Variants in SMIM10L3 observed in about 807,000 individuals in gnomAD.
The protein encoded by SMIM10L3 is small integral membrane protein 10 like 3, also known as salivary gland specific protein SAGSIN1.
the SMIM10L3 span, among the ~76,000 whole-genome samples, chr7:6,335,193 G>C: frequency 5.3e-4 from 81 of 151,670 alleles, no homozygotes; most frequent in East Asian, 0.014. Context: ...CTCCCAAGTT[G>C]CTGGGATTAC....
the SMIM10L3 span, among the ~76,000 whole-genome samples, chr7:6,333,160 A>T: frequency 9.0e-6 from 1 of 110,524 alleles, no homozygotes; most frequent in Non-Finnish European, 1.7e-5. Flanking sequence ...CATCCCAAAT[A>T]AAAAAATCAA....
the SMIM10L3 span, chr7:6,331,360 A>C: frequency 3.2e-6 from 2 of 615,466 alleles, no homozygotes; most frequent in Admixed American, 6.2e-5. Flanking sequence ...ACAGGGTTTC[A>C]CCATATTGGT....
At chr7:6,348,605 C>T in the SMIM10L3 span, 2 of 464,506 alleles carry the variant, frequency 4.3e-6, no homozygotes, top group South Asian at 4.1e-5. Flanking sequence ...ATGGAAGCCA[C>T]GATGTAGAGG....
chr7:6,333,055 G>A, the SMIM10L3 span, among the ~76,000 whole-genome samples: 2 of 151,872 alleles, frequency 1.3e-5, no homozygotes, highest in South Asian at 4.1e-4. Context: ...TACCAGGGAG[G>A]CTGAAGCGAG....
chr7:6,343,492 T>C, the SMIM10L3 span, among the ~76,000 whole-genome samples: 1 of 145,938 alleles, frequency 6.9e-6, no homozygotes, highest in Non-Finnish European at 1.5e-5. Flanking sequence ...GCCATATAAC[T>C]GAAAAGTTGT....
chr7:6,347,092 C>T, the SMIM10L3 span, among the ~76,000 whole-genome samples: 1 of 152,102 alleles, frequency 6.6e-6, no homozygotes, highest in East Asian at 1.9e-4. Flanking sequence ...TTTGGGAGGG[C>T]AAGGCAGGAG....
chr7:6,340,167 G>A, the SMIM10L3 span, among the ~76,000 whole-genome samples: 46 of 152,268 alleles, frequency 3.0e-4, no homozygotes, highest in African/African-American at 1.1e-3. Context: ...TTACAGGCAT[G>A]AGCTACCGCG....
chr7:6,343,701 A>G, the SMIM10L3 span, among the ~76,000 whole-genome samples: 5 of 152,114 alleles, frequency 3.3e-5, no homozygotes, highest in Non-Finnish European at 7.4e-5. Flanking sequence ...CTCAGTATAC[A>G]ACTGTCTGCA....
At chr7:6,332,854 C>T in the SMIM10L3 span, among the ~76,000 whole-genome samples, 13 of 152,026 alleles carry the variant, frequency 8.6e-5, no homozygotes, top group South Asian at 2.1e-4. Flanking sequence ...GATGTATAAC[C>T]GCATTAAGAT....
At chr7:6,341,715 G>A in the SMIM10L3 span, among the ~76,000 whole-genome samples, 179 of 150,034 alleles carry the variant, frequency 1.2e-3, no homozygotes, top group Non-Finnish European at 1.2e-3. Flanking sequence ...TTATGAGTGC[G>A]CGCCAGGTGC....
the SMIM10L3 span, among the ~76,000 whole-genome samples, chr7:6,341,520 TA>T: frequency 2.7e-5 from 4 of 148,210 alleles, no homozygotes; most frequent in African/African-American, 2.5e-5. Flanking sequence ...CTGCCTCTAC[TA>T]AAAAAAAATT....
chr7:6,333,835 G>T, the SMIM10L3 span, among the ~76,000 whole-genome samples: 3 of 146,242 alleles, frequency 2.1e-5, no homozygotes, highest in African/African-American at 7.6e-5. Flanking sequence ...TCGAACTCCT[G>T]GCCTCTTTTT....
the SMIM10L3 span, among the ~76,000 whole-genome samples, chr7:6,345,552 G>A: frequency 6.6e-6 from 1 of 152,048 alleles, no homozygotes; most frequent in Non-Finnish European, 1.5e-5. Context: ...ATATGAAAAA[G>A]GTAACTGTTT....
the SMIM10L3 span, chr7:6,348,741 C>T: frequency 1.0e-4 from 42 of 410,766 alleles, no homozygotes; most frequent in Non-Finnish European, 1.7e-4. Flanking sequence ...CAGCCAGGCC[C>T]GACAGAGCCG....
At chr7:6,337,976 G>A in the SMIM10L3 span, among the ~76,000 whole-genome samples, 1 of 151,480 alleles carries the variant, frequency 6.6e-6, no homozygotes, top group African/African-American at 2.4e-5. Context: ...GCTAATTTTT[G>A]TATTTTCAGT....
the SMIM10L3 span, among the ~76,000 whole-genome samples, chr7:6,336,682 C>CA: frequency 1.6e-3 from 197 of 122,900 alleles, no homozygotes; most frequent in Middle Eastern, 4.5e-3. Flanking sequence ...AGACTTTGTC[C>CA]AAAAAAAAAA....
At chr7:6,333,558 G>A in the SMIM10L3 span, among the ~76,000 whole-genome samples, 22 of 152,080 alleles carry the variant, frequency 1.4e-4, no homozygotes, top group Admixed American at 3.3e-4. Context: ...GAGGACAATG[G>A]CGTGATCACA....
the SMIM10L3 span, among the ~76,000 whole-genome samples, chr7:6,343,441 T>C: frequency 9.7e-6 from 1 of 102,926 alleles, no homozygotes; most frequent in Non-Finnish European, 1.9e-5. Context: ...TATATATATA[T>C]ATATGATCTA....
At chr7:6,330,501 G>A in the SMIM10L3 span, 1 of 1,614,144 alleles carries the variant, frequency 6.2e-7, no homozygotes, top group Non-Finnish European at 8.5e-7. Flanking sequence ...TTGAAAACAT[G>A]GGCTTTAAAC....
Sources: gnomAD v4.1 joint callset for allele counts (sites outside exome capture counted in the v4.1 genomes callset) on GRCh38, gnomAD v4.1.1 for gene constraint, MANE v1.5 for transcripts, NCBI Gene and HGNC (gene_info 2026-07-23, HGNC 2026-07-21) for gene names.